The following KCNIP1 variants were observed in gnomAD, a reference collection of about 807,000 sequenced individuals.
KCNIP1 encodes the protein A-type potassium channel modulatory protein KCNIP1.
In KCNIP1, 18 loss-of-function variants were observed where a neutral mutation model predicts 33.0. The ratio of observed to expected loss-of-function variants is 0.55; its 90% CI spans 0.38 to 0.81. The LOEUF (loss-of-function observed/expected upper bound fraction) is 0.81. Among genes scored for constraint, KCNIP1 ranks in the 30% least tolerant of loss-of-function variants. KCNIP1 has a pLI of 0.00. For missense variants in KCNIP1, 238 were observed against 271.6 expected (o/e 0.88, Z 0.87); for synonymous variants, 93 against 98.3 (o/e 0.95, Z 0.32).
intron 1 of KCNIP1, among the ~76,000 whole-genome samples, chr5:170,713,608 G>A (rs951687139): frequency 2.6e-5 from 4 of 152,172 alleles, no homozygotes; most frequent in Non-Finnish European, 4.4e-5. Flanking sequence ...TTTGTACATG[G>A]ATCTCTCATC....
At chr5:170,378,293 A>G (rs1764087565) in intron 1 of KCNIP1, 1 of 170,090 alleles carries the variant, frequency 5.9e-6, no homozygotes, top group Admixed American at 6.1e-5. Context: ...AGAGAATTCA[A>G]ACAAAGAAGG....
rs60169761 is a variant in KCNIP1 at position 170,456,689 on chromosome 5, C to T, written c.88+102725C>T. Among the ~76,000 whole-genome samples the T allele has an allele frequency of 1.5e-4, 9 of 61,662 alleles. No homozygotes were observed. The East Asian group carries it at 1.8e-3, about 12-fold the overall frequency. The allele number at this position is 61,662 out of a possible 152,430, so 40.5% of individuals were successfully genotyped here. ...TCTTTCTTTCTCTTTCTTTCTTTCT[C>T]TCTCTCTCTCTTTTTCTTTCTTTCT... On this transcript the variant is annotated intron_variant, in intron 1 of 7. Transcript: ENST00000377360.
chr5:170,702,508 G>A (rs902109337), intron 1 of KCNIP1, among the ~76,000 whole-genome samples: 1 of 152,232 alleles, frequency 6.6e-6, no homozygotes, highest in Non-Finnish European at 1.5e-5. Context: ...CTTGAGGGAG[G>A]AAGGAGATGG....
intron 1 of KCNIP1, among the ~76,000 whole-genome samples, chr5:170,380,203 G>A (rs1224299268): frequency 6.6e-6 from 1 of 152,224 alleles, no homozygotes; most frequent in Non-Finnish European, 1.5e-5. Context: ...ATGCAAAGCA[G>A]TCATAAAGCG....
At chr5:170,450,928 C>A (rs1467235176) in intron 1 of KCNIP1, among the ~76,000 whole-genome samples, 1 of 152,116 alleles carries the variant, frequency 6.6e-6, no homozygotes, top group East Asian at 1.9e-4. Flanking sequence ...CATCACCTGA[C>A]ACTTGCCATA....
At position 170,647,865 on chromosome 5, in the gene KCNIP1, G is replaced by GA. The variant is rs373930218; in HGVS notation, c.62-70887dup. 2.7e-3 allele frequency among the ~76,000 whole-genome samples: 417 copies of GA among 152,102 alleles called. 2 individuals are homozygous for GA. Among genetic ancestry groups the GA allele is most frequent in the African/African-American group, 9.6e-3 (397 of 41,512 alleles). Reference sequence around the variant, plus strand: ...AGCCACAGACTGGGAAAAAATATTTGAAAAAATATATATCTGATAAAGGAC... The same window carrying GA: ...AGCCACAGACTGGGAAAAAATATTTGAAAAAAATATATATCTGATAAAGGAC... On this transcript the variant is annotated intron_variant, in intron 1 of 7. Coordinates refer to ENST00000328939, the MANE Select transcript of KCNIP1 (RefSeq NM_014592.4).
intron 1 of KCNIP1, among the ~76,000 whole-genome samples, chr5:170,433,430 G>A (rs758088498): frequency 1.5e-4 from 23 of 152,190 alleles, no homozygotes; most frequent in South Asian, 8.3e-4. Flanking sequence ...CAGATGATCC[G>A]CCCGCCTCGG....
At chr5:170,730,632 A>G (rs559579714) in intron 5 of KCNIP1, among the ~76,000 whole-genome samples, 1 of 152,332 alleles carries the variant, frequency 6.6e-6, no homozygotes, top group South Asian at 2.1e-4. Context: ...AGAGACATCT[A>G]TTTCCTCGTT....
At chr5:170,542,188 C>T (rs865985172) in intron 1 of KCNIP1, among the ~76,000 whole-genome samples, 1 of 152,212 alleles carries the variant, frequency 6.6e-6, no homozygotes, top group Non-Finnish European at 1.5e-5. Context: ...ATTTACTAAG[C>T]ACCTACTATG....
intron 1 of KCNIP1, among the ~76,000 whole-genome samples, chr5:170,506,048 G>A (rs1008406952): frequency 3.3e-5 from 5 of 152,104 alleles, no homozygotes; most frequent in East Asian, 1.9e-4. Context: ...AATTTTCAGC[G>A]CCAAATATAG....
intron 1 of KCNIP1, among the ~76,000 whole-genome samples, chr5:170,404,603 T>A (rs1331262601): frequency 6.6e-6 from 1 of 152,166 alleles, no homozygotes; most frequent in Non-Finnish European, 1.5e-5. Context: ...TAGACGAGCC[T>A]GTTCTCATGG....
At chr5:170,523,012 C>T (rs1349087433) in intron 1 of KCNIP1, among the ~76,000 whole-genome samples, 9 of 152,198 alleles carry the variant, frequency 5.9e-5, no homozygotes, top group African/African-American at 2.2e-4. Flanking sequence ...AGACCCCAGG[C>T]AACCAAGTAA....
At chr5:170,522,393 A>G (rs978800367) in intron 1 of KCNIP1, among the ~76,000 whole-genome samples, 1 of 152,238 alleles carries the variant, frequency 6.6e-6, no homozygotes, top group Non-Finnish European at 1.5e-5. Context: ...TGTGCTCCCC[A>G]GGCAGCTCTG....
At chr5:170,505,588 A>G (rs1754685370) in intron 1 of KCNIP1, among the ~76,000 whole-genome samples, 1 of 152,186 alleles carries the variant, frequency 6.6e-6, no homozygotes, top group Non-Finnish European at 1.5e-5. Flanking sequence ...GTGGGAGTTA[A>G]GCTCCTACCC....
At chr5:170,385,292 G>A (rs187251560) in intron 1 of KCNIP1, 1 of 1,613,598 alleles carries the variant, frequency 6.2e-7, no homozygotes, top group East Asian at 2.2e-5. Context: ...TGGGGGGTGG[G>A]CAGGCCGGGA....
At position 170,630,265 on chromosome 5, in the gene KCNIP1, G is replaced by A. The variant is rs149828876; in HGVS notation, c.62-88493G>A. Among the ~76,000 whole-genome samples the A allele has an allele frequency of 4.7e-4, 72 of 152,320 alleles. No homozygotes were observed. In the East Asian group the frequency reaches 0.01, roughly 22 times the overall value. On this transcript the variant is annotated intron_variant, in intron 1 of 7. Coordinates refer to ENST00000328939, the MANE Select transcript of KCNIP1 (RefSeq NM_014592.4). ...ATATTTACTTAGTGAATAAATGGAC[G>A]GATGGATGGATGGATGCATTAGGCA...
intron 1 of KCNIP1, among the ~76,000 whole-genome samples, chr5:170,459,347 C>G (rs573607601): frequency 3.1e-4 from 47 of 152,230 alleles, no homozygotes; most frequent in African/African-American, 1.1e-3. Flanking sequence ...ATGGACTTAA[C>G]AGATATTTAT....
intron 1 of KCNIP1, among the ~76,000 whole-genome samples, chr5:170,495,261 C>A (rs1757288619): frequency 6.6e-6 from 1 of 152,226 alleles, no homozygotes; most frequent in South Asian, 2.1e-4. Context: ...CCTGTGCATT[C>A]TGTGGTCACT....
chr5:170,649,697 T>A (rs1206620679), intron 1 of KCNIP1, among the ~76,000 whole-genome samples: 1 of 152,110 alleles, frequency 6.6e-6, no homozygotes, highest in Non-Finnish European at 1.5e-5. Flanking sequence ...TTTAGATTAG[T>A]AGGAGCACTG....
Sources: gnomAD v4.1 joint callset for allele counts (sites outside exome capture counted in the v4.1 genomes callset) on GRCh38, gnomAD v4.1.1 for gene constraint, MANE v1.5 for transcripts, NCBI Gene and HGNC (gene_info 2026-07-23, HGNC 2026-07-21) for gene names.